The following CCSER2 variants were observed in gnomAD, a reference collection of about 807,000 sequenced individuals.
CCSER2 encodes the protein serine-rich coiled-coil domain-containing protein 2.
CCSER2 carries 46 observed loss-of-function variants against 92.3 expected under a neutral mutation model. The ratio of observed to expected loss-of-function variants is 0.50; its 90% CI spans 0.39 to 0.64. CCSER2 has a LOEUF of 0.64. Among genes scored for constraint, CCSER2 ranks in the 30% least tolerant of loss-of-function variants. CCSER2 has a pLI of 0.00. For missense variants in CCSER2, 1,244 were observed against 1,238.9 expected, an observed-to-expected ratio of 1.00 and a Z score of -0.06; for synonymous variants, 433 against 431.4, an observed-to-expected ratio of 1.00 and a Z score of -0.04.
chr10:84,417,094 A>G (rs1008451784), intron 3 of CCSER2, among the ~76,000 whole-genome samples: 1 of 152,228 alleles, frequency 6.6e-6, no homozygotes, highest in African/African-American at 2.4e-5. Flanking sequence ...TGAGTTTATT[A>G]CCTTAACCTT....
At chr10:84,463,362 A>G (rs931807215) in intron 6 of CCSER2, among the ~76,000 whole-genome samples, 1 of 152,172 alleles carries the variant, frequency 6.6e-6, no homozygotes, top group Non-Finnish European at 1.5e-5. Flanking sequence ...CTTCTTAGTC[A>G]GTAACCCCCT....
intron 6 of CCSER2, chr10:84,455,642 A>T: frequency 1.5e-6 from 1 of 655,968 alleles, no homozygotes; most frequent in Non-Finnish European, 2.9e-6. Flanking sequence ...ACTGCCTTCC[A>T]CAGAAATGAG....
intron 6 of CCSER2, among the ~76,000 whole-genome samples, chr10:84,461,146 A>G (rs1846079017): frequency 6.6e-6 from 1 of 152,090 alleles, no homozygotes. Flanking sequence ...TCAATTCACA[A>G]TATTTTCTTG....
At chr10:84,414,213 G>A (rs1842786300) in intron 3 of CCSER2, among the ~76,000 whole-genome samples, 1 of 152,150 alleles carries the variant, frequency 6.6e-6, no homozygotes. Context: ...TTATTTTGCA[G>A]ACTTGTTTAT....
intron 9 of CCSER2, among the ~76,000 whole-genome samples, chr10:84,499,072 G>A (rs1193664901): frequency 2.6e-5 from 4 of 152,128 alleles, no homozygotes; most frequent in Non-Finnish European, 5.9e-5. Context: ...TGTTGGTTTT[G>A]CTAACTTTAG....
At chr10:84,385,518 A>G (rs1589507954) in intron 3 of CCSER2, among the ~76,000 whole-genome samples, 2 of 152,314 alleles carry the variant, frequency 1.3e-5, no homozygotes. Context: ...AGGACACCCT[A>G]TTCAGTAAAT....
intron 1 of CCSER2, among the ~76,000 whole-genome samples, chr10:84,367,578 C>T (rs1164693216): frequency 6.6e-6 from 1 of 151,908 alleles, no homozygotes; most frequent in Non-Finnish European, 1.5e-5. Flanking sequence ...GAGGTTTTGC[C>T]ATGTTGTCCA....
chr10:84,414,794 G>T (rs148067051), intron 3 of CCSER2, among the ~76,000 whole-genome samples: 4 of 152,166 alleles, frequency 2.6e-5, no homozygotes, highest in Admixed American at 1.3e-4. Context: ...ATCAGTTATA[G>T]GTTTGGTCTC....
intron 3 of CCSER2, among the ~76,000 whole-genome samples, chr10:84,414,810 A>C (rs1009098557): frequency 6.6e-6 from 1 of 152,144 alleles, no homozygotes; most frequent in Admixed American, 6.5e-5. Flanking sequence ...GTCTCTTTAC[A>C]TAATTGCATA....
chr10:84,356,397 C>T (rs1352566901), intron 1 of CCSER2, among the ~76,000 whole-genome samples: 1 of 152,030 alleles, frequency 6.6e-6, no homozygotes, highest in African/African-American at 2.4e-5. Context: ...GTCCTAGTTG[C>T]TATTAAGAGT....
At chr10:84,363,534 A>G (rs1845621984) in intron 1 of CCSER2, among the ~76,000 whole-genome samples, 1 of 152,176 alleles carries the variant, frequency 6.6e-6, no homozygotes, top group African/African-American at 2.4e-5. Flanking sequence ...TAGTGAGTTT[A>G]TGTCTGTTTA....
chr10:84,500,151 G>A (rs548242791), intron 9 of CCSER2: 1 of 251,304 alleles, frequency 4.0e-6, no homozygotes, highest in Admixed American at 6.5e-5. Flanking sequence ...CCTCTACTTA[G>A]AGCCTTATGG....
chr10:84,498,100 G>A (rs1240394609), intron 9 of CCSER2, among the ~76,000 whole-genome samples: 2 of 152,134 alleles, frequency 1.3e-5, no homozygotes, highest in African/African-American at 2.4e-5. Flanking sequence ...ATACCTCTTT[G>A]GTGAAGGAAA....
chr10:84,432,278 G>A (rs546852951), intron 5 of CCSER2, among the ~76,000 whole-genome samples: 7 of 151,692 alleles, frequency 4.6e-5, no homozygotes. Flanking sequence ...AGATTCAGTG[G>A]GTACATACGC....
chr10:84,486,960 A>G (rs1210481907), intron 9 of CCSER2, among the ~76,000 whole-genome samples: 3 of 152,164 alleles, frequency 2.0e-5, no homozygotes, highest in Non-Finnish European at 2.9e-5. Context: ...CTTTCTACAT[A>G]TGGCTAGCCA....
intron 6 of CCSER2, among the ~76,000 whole-genome samples, chr10:84,448,858 T>C (rs1406929594): frequency 4.6e-5 from 7 of 152,314 alleles, no homozygotes; most frequent in African/African-American, 1.7e-4. Context: ...CTGAATTTTT[T>C]TACTCGCCTT....
intron 9 of CCSER2, among the ~76,000 whole-genome samples, chr10:84,509,976 G>A (rs1849267472): frequency 6.6e-6 from 1 of 152,100 alleles, no homozygotes; most frequent in African/African-American, 2.4e-5. Flanking sequence ...CGTCCCCACT[G>A]GTTACATTCC....
chr10:84,489,859 T>G (rs920751718), intron 9 of CCSER2, among the ~76,000 whole-genome samples: 4 of 152,202 alleles, frequency 2.6e-5, no homozygotes, highest in Non-Finnish European at 5.9e-5. Context: ...ATTTGGCATG[T>G]TTTTGCAGTG....
chr10:84,494,121 A>G (rs9664967), intron 9 of CCSER2, among the ~76,000 whole-genome samples: 3 of 152,308 alleles, frequency 2.0e-5, no homozygotes, highest in Middle Eastern at 3.4e-3. Flanking sequence ...CTTCAACTCA[A>G]CTGGCCTGCT....
Sources: allele counts gnomAD v4.1 joint callset (sites outside exome capture counted in the v4.1 genomes callset), GRCh38; gene constraint gnomAD v4.1.1; transcripts MANE v1.5; gene names NCBI Gene and HGNC (gene_info 2026-07-23, HGNC 2026-07-21).